The following LOC128462377 variants were observed in gnomAD, a reference collection of about 807,000 sequenced individuals.
At chr16:89,412,630 A>G in the LOC128462377 span, 1 of 152,160 alleles carries the variant, frequency 6.6e-6, no homozygotes, top group African/African-American at 2.4e-5. Context: ...AGTTCACTTC[A>G]ATTTAAATAG....
the LOC128462377 span, among the ~76,000 whole-genome samples, chr16:89,369,641 A>AG: frequency 1.3e-5 from 2 of 152,168 alleles, no homozygotes; most frequent in Non-Finnish European, 2.9e-5. Flanking sequence ...AAGGACAACC[A>AG]GGGGGGTCCT....
the LOC128462377 span, among the ~76,000 whole-genome samples, chr16:89,370,014 G>C: frequency 6.6e-6 from 1 of 152,204 alleles, no homozygotes; most frequent in Non-Finnish European, 1.5e-5. Flanking sequence ...CCTTCAGGAA[G>C]AGCCAGGCCA....
At chr16:89,405,790 C>G in the LOC128462377 span, among the ~76,000 whole-genome samples, 1 of 152,264 alleles carries the variant, frequency 6.6e-6, no homozygotes, top group East Asian at 1.9e-4. Flanking sequence ...ATTCCTCACA[C>G]CTTCCCCCAG....
the LOC128462377 span, among the ~76,000 whole-genome samples, chr16:89,371,816 T>C: frequency 4.8e-4 from 73 of 152,196 alleles, no homozygotes; most frequent in Admixed American, 1.6e-3. Flanking sequence ...AGGCCAGCAA[T>C]GTCCATCATG....
chr16:89,403,266 A>G, the LOC128462377 span, among the ~76,000 whole-genome samples: 1 of 152,014 alleles, frequency 6.6e-6, no homozygotes, highest in Non-Finnish European at 1.5e-5. Context: ...ACTCACTCAC[A>G]CCAGCCACGC....
the LOC128462377 span, among the ~76,000 whole-genome samples, chr16:89,381,704 C>G: frequency 6.6e-6 from 1 of 152,198 alleles, no homozygotes; most frequent in African/African-American, 2.4e-5. Context: ...CAGATGCCCT[C>G]TGCTACTCAC....
the LOC128462377 span, among the ~76,000 whole-genome samples, chr16:89,389,286 C>A: frequency 8.5e-5 from 13 of 152,054 alleles, no homozygotes; most frequent in African/African-American, 3.1e-4. Flanking sequence ...TGGCTTCCTA[C>A]AGTGCTGGGA....
chr16:89,317,374 A>G, the LOC128462377 span, among the ~76,000 whole-genome samples: 3 of 152,336 alleles, frequency 2.0e-5, no homozygotes, highest in South Asian at 4.1e-4. Flanking sequence ...GGTGGCAGTC[A>G]GCAGCACCTG....
At chr16:89,322,338 AG>A in the LOC128462377 span, among the ~76,000 whole-genome samples, 1 of 152,270 alleles carries the variant, frequency 6.6e-6, no homozygotes, top group Non-Finnish European at 1.5e-5. Flanking sequence ...TTGATAGAAC[AG>A]GCCTTTACGT....
chr16:89,391,165 T>C, the LOC128462377 span, among the ~76,000 whole-genome samples: 1 of 150,404 alleles, frequency 6.6e-6, no homozygotes, highest in African/African-American at 2.5e-5. Context: ...AAGGCGGAGC[T>C]TGCAGTGAGC....
At chr16:89,352,306 C>T in the LOC128462377 span, among the ~76,000 whole-genome samples, 7 of 151,994 alleles carry the variant, frequency 4.6e-5, no homozygotes, top group Admixed American at 2.0e-4. Context: ...TCACGCCACG[C>T]GGTGCAGAGC....
the LOC128462377 span, among the ~76,000 whole-genome samples, chr16:89,406,568 G>A: frequency 6.6e-6 from 1 of 152,200 alleles, no homozygotes; most frequent in Admixed American, 6.5e-5. Flanking sequence ...GAAGACAGAT[G>A]TGCTTCCCCA....
the LOC128462377 span, among the ~76,000 whole-genome samples, chr16:89,403,023 G>T: frequency 6.6e-6 from 1 of 152,204 alleles, no homozygotes; most frequent in South Asian, 2.1e-4. Flanking sequence ...TCAAACACCA[G>T]GCTCCACATG....
chr16:89,411,238 G>T, the LOC128462377 span, among the ~76,000 whole-genome samples: 1 of 152,238 alleles, frequency 6.6e-6, no homozygotes, highest in Non-Finnish European at 1.5e-5. Context: ...GCCACCACGG[G>T]GGCCCAGGGA....
the LOC128462377 span, chr16:89,323,847 C>A: frequency 5.6e-4 from 127 of 227,534 alleles, no homozygotes; most frequent in African/African-American, 2.9e-3. Flanking sequence ...GCAAAGGACT[C>A]CTAACATGGG....
the LOC128462377 span, among the ~76,000 whole-genome samples, chr16:89,333,461 G>A: frequency 6.6e-6 from 1 of 152,316 alleles, no homozygotes; most frequent in South Asian, 2.1e-4. Context: ...ACCCACCGTT[G>A]TGGTATCATA....
At chr16:89,365,782 T>G in the LOC128462377 span, among the ~76,000 whole-genome samples, 1 of 152,024 alleles carries the variant, frequency 6.6e-6, no homozygotes, top group Non-Finnish European at 1.5e-5. Flanking sequence ...GTCATCAGGG[T>G]TTGTTGAACA....
At chr16:89,345,872 G>A in the LOC128462377 span, among the ~76,000 whole-genome samples, 1 of 152,126 alleles carries the variant, frequency 6.6e-6, no homozygotes, top group East Asian at 1.9e-4. Flanking sequence ...ACTATAATAT[G>A]GCAAAAAGTT....
the LOC128462377 span, chr16:89,328,973 C>T: frequency 6.8e-6 from 1 of 147,254 alleles, no homozygotes; most frequent in African/African-American, 2.6e-5. Context: ...AGTGGAGGCC[C>T]CTGCTGAGTG....
Sources: allele counts gnomAD v4.1 joint callset (sites outside exome capture counted in the v4.1 genomes callset), GRCh38; gene constraint gnomAD v4.1.1; transcripts MANE v1.5.